The following RAPGEF2 variants were observed in gnomAD, a reference collection of about 807,000 sequenced individuals.
The protein encoded by RAPGEF2 is PDZ domain containing guanine nucleotide exchange factor (GEF) 1.
A neutral mutation model predicts 186.7 loss-of-function variants in RAPGEF2; 54 were observed. The observed-to-expected ratio is 0.29, with a 90% CI of 0.23 to 0.36. The LOEUF (loss-of-function observed/expected upper bound fraction) is 0.36. RAPGEF2 is among the 10% of genes least tolerant of loss of function. The pLI is 1.00. For synonymous variants in RAPGEF2, 712 were observed against 705.9 expected (o/e 1.01, Z -0.14); for missense variants, 1,532 against 2,045.0 (o/e 0.75, Z 4.84).
chr4:159,292,024 A>G (rs1052795767), intron 7 of RAPGEF2, among the ~76,000 whole-genome samples: 1 of 152,126 alleles, frequency 6.6e-6, no homozygotes, highest in Non-Finnish European at 1.5e-5. Context: ...TATTTTGTAT[A>G]TGTGTGTAGA....
chr4:159,266,842 A>C (rs1453330969), intron 7 of RAPGEF2: 1 of 166,874 alleles, frequency 6.0e-6, no homozygotes, highest in African/African-American at 2.4e-5. Context: ...AAAGCTGTTC[A>C]AGTAAGTCCT....
At chr4:159,133,725 A>G (rs1296468837) in intron 1 of RAPGEF2, among the ~76,000 whole-genome samples, 2 of 152,136 alleles carry the variant, frequency 1.3e-5, no homozygotes, top group Non-Finnish European at 2.9e-5. Context: ...CTGGGACTAC[A>G]GGTGCCTGCC....
intron 20 of RAPGEF2, 125 bp downstream of exon 20, chr4:159,342,072 C>A (rs1231385707): frequency 5.2e-6 from 5 of 960,442 alleles, no homozygotes; most frequent in South Asian, 2.3e-5. Flanking sequence ...AGAGACAATT[C>A]TTTTTCTCTG....
intron 11 of RAPGEF2, among the ~76,000 whole-genome samples, chr4:159,324,243 G>A (rs1765632372): frequency 2.7e-5 from 4 of 150,720 alleles, no homozygotes; most frequent in African/African-American, 9.8e-5. Flanking sequence ...GGCCAGGCTG[G>A]TCTCAAACTC....
In RAPGEF2 at chr4:159,130,507, G is replaced by A. The variant is rs150607836; in HGVS notation, c.69+26276G>A. ...GCCCCCCAAGTAGCTAGAACTACAG[G>A]CATGCACATTTTTCTTTATTCAAAT... On this transcript the variant is annotated intron_variant, in intron 1 of 29. Coordinates refer to ENST00000691494, the MANE Select transcript of RAPGEF2 (RefSeq NM_001394067.2). Among the ~76,000 whole-genome samples the A allele has an allele frequency of 4.1e-3, 623 of 152,124 alleles. 4 individuals carry two copies. The highest frequency in any genetic ancestry group is 0.014 in the African/African-American group (562 of 41,492).
At chr4:159,180,230 A>G (rs991102925) in intron 1 of RAPGEF2, among the ~76,000 whole-genome samples, 3 of 152,138 alleles carry the variant, frequency 2.0e-5, no homozygotes, top group African/African-American at 7.2e-5. Context: ...TTAAACACAG[A>G]TTGCTTCTTC....
chr4:159,304,017 C>T (rs530342064), intron 7 of RAPGEF2, among the ~76,000 whole-genome samples: 1 of 152,228 alleles, frequency 6.6e-6, no homozygotes, highest in East Asian at 1.9e-4. Context: ...ATAAATAGTA[C>T]TGTAGCCTAA....
intron 4 of RAPGEF2, among the ~76,000 whole-genome samples, chr4:159,216,559 A>G (rs7670823): frequency 0.32 from 48,153 of 151,684 alleles, 8,073 homozygotes; most frequent in Non-Finnish European, 0.38. Context: ...AGGGTAAAAG[A>G]ATGAGATCAA....
chr4:159,345,125 A>G lies in RAPGEF2; in HGVS notation c.3298A>G (p.Thr1100Ala). ...RSLGSLSQGS[T>A]NATVLDVAQT... is the part of the protein sequence containing the mutation. Reference sequence around the variant, plus strand: ...TTCCAGGTCTCTCAGCCAGGGTAGTACAAATGCAACAGTGCTAGATGTTGC... The same window carrying G: ...TTCCAGGTCTCTCAGCCAGGGTAGTGCAAATGCAACAGTGCTAGATGTTGC... The change falls in exon 24 of 30, where the codon ACA (threonine) becomes GCA (alanine). Residue 1100 changes from threonine to alanine, a missense_variant. By Grantham distance (58) the Thr-to-Ala change is moderately conservative. Coordinates refer to ENST00000691494, the MANE Select transcript of RAPGEF2 (RefSeq NM_001394067.2). 1 of 1,614,122 alleles carries G rather than the reference A, an allele frequency of 6.2e-7. No individual in the cohort carries two copies. The highest frequency in any genetic ancestry group is 8.5e-7 in the Non-Finnish European group (1 of 1,179,968).
chr4:159,170,235 T>A (rs1266088623), intron 1 of RAPGEF2, among the ~76,000 whole-genome samples: 1 of 152,164 alleles, frequency 6.6e-6, no homozygotes, highest in Non-Finnish European at 1.5e-5. Flanking sequence ...GTCCTTTTCC[T>A]ATTTTGAAAT....
chr4:159,294,200 T>A (rs757935083), intron 7 of RAPGEF2, among the ~76,000 whole-genome samples: 5 of 152,224 alleles, frequency 3.3e-5, no homozygotes, highest in Admixed American at 6.5e-5. Flanking sequence ...ACCTTTTTTG[T>A]TCACAAAGAA....
chr4:159,236,661 A>G (rs761721322), intron 4 of RAPGEF2, among the ~76,000 whole-genome samples: 2 of 152,214 alleles, frequency 1.3e-5, no homozygotes, highest in African/African-American at 2.4e-5. Context: ...AACCTGCCAC[A>G]TATTTTACTA....
In RAPGEF2 at chr4:159,238,839, G is replaced by A; in HGVS notation, c.312G>A (p.Arg104=). The A allele has an allele frequency of 6.6e-7, 1 of 1,524,788 alleles. No homozygotes were observed. Among genetic ancestry groups the A allele is most frequent in the Non-Finnish European group, 8.7e-7 (1 of 1,143,534 alleles). 94.5% of individuals were successfully genotyped at this position (1,524,788 alleles called of 1,614,324 possible). ...SFGKRSAGSF[R]RGCECIVLEP... is the part of the protein sequence containing the mutation. ...GCAAGCGTTCTGCAGGAAGTTTTAG[G>A]CGTGGCTGTGAATGCATTGTTTTAG... The change falls in exon 5 of 30, where the codon AGG becomes AGA. Residue 104 remains arginine (R), a synonymous_variant. Transcript: ENST00000691494.
chr4:159,189,368 G>C (rs143512133), intron 2 of RAPGEF2, among the ~76,000 whole-genome samples: 80 of 152,308 alleles, frequency 5.3e-4, no homozygotes, highest in African/African-American at 1.9e-3. Flanking sequence ...AGGTTTTTCA[G>C]ATCTTCACTA....
intron 7 of RAPGEF2, among the ~76,000 whole-genome samples, chr4:159,294,151 A>G (rs112725808): frequency 5.1e-4 from 77 of 152,316 alleles, no homozygotes; most frequent in East Asian, 2.1e-3. Context: ...TTATGGGTTA[A>G]TGTTTTTAAT....
At position 159,288,783 on chromosome 4, in the gene RAPGEF2, GTCACCTTGAAATTGTTTCT is replaced by G. The variant is rs1225726831; in HGVS notation, c.544-15558_544-15540del. Among the ~76,000 whole-genome samples, 54 of 152,242 alleles carry G rather than the reference GTCACCTTGAAATTGTTTCT, an allele frequency of 3.5e-4. No individual in the cohort carries two copies. The Middle Eastern group carries it at 0.014, about 38-fold the overall frequency. On this transcript the variant is annotated intron_variant, in intron 7 of 29. Transcript: ENST00000691494. ...CAACATTCTCACTCTTTACCTTCCA[GTCACCTTGAAATTGTTTCT>G]CGACCATTCCTAGGTTTATCCCACC...
intron 1 of RAPGEF2, among the ~76,000 whole-genome samples, chr4:159,154,708 C>G (rs1372356354): frequency 6.6e-6 from 1 of 152,084 alleles, no homozygotes; most frequent in Non-Finnish European, 1.5e-5. Flanking sequence ...ATTTTAGAAT[C>G]AAGAGATCTC....
At chr4:159,288,478 C>T (rs1210726768) in intron 7 of RAPGEF2, among the ~76,000 whole-genome samples, 1 of 152,086 alleles carries the variant, frequency 6.6e-6, no homozygotes, top group Non-Finnish European at 1.5e-5. Context: ...AGATGGCATA[C>T]CTCACTCCAT....
intron 7 of RAPGEF2, 64 bp downstream of exon 7, chr4:159,243,855 A>C: frequency 9.2e-7 from 1 of 1,088,896 alleles, no homozygotes; most frequent in Non-Finnish European, 1.2e-6. Context: ...TTGCACTGTT[A>C]CTAATGAATT....
Sources: gnomAD v4.1 joint callset for allele counts (sites outside exome capture counted in the v4.1 genomes callset) on GRCh38, gnomAD v4.1.1 for gene constraint, MANE v1.5 for transcripts, NCBI Gene and HGNC (gene_info 2026-07-23, HGNC 2026-07-21) for gene names.